The following WDR70 variants were observed in gnomAD, a reference collection of about 807,000 sequenced individuals.
The protein encoded by WDR70 is WD repeat domain 70.
In WDR70, 53 loss-of-function variants were observed where a neutral mutation model predicts 88.6. The ratio of observed to expected loss-of-function variants is 0.60; its 90% confidence interval spans 0.48 to 0.75. The LOEUF is 0.75. Among genes scored for constraint, WDR70 ranks in the 30% least tolerant of loss-of-function variants. WDR70 has a pLI of 0.00. For synonymous variants in WDR70, 280 were observed against 270.0 expected, an observed-to-expected ratio of 1.04 and a Z score of -0.36; for missense variants, 610 against 823.2, an observed-to-expected ratio of 0.74 and a Z score of 3.17.
intron 17 of WDR70, among the ~76,000 whole-genome samples, chr5:37,734,606 A>G (rs908977463): frequency 1.3e-5 from 2 of 152,122 alleles, no homozygotes; most frequent in African/African-American, 2.4e-5. Flanking sequence ...GGGGACATAG[A>G]TAAAAGAGGG....
chr5:37,670,199 T>G (rs1236818493), intron 10 of WDR70, among the ~76,000 whole-genome samples: 1 of 148,100 alleles, frequency 6.8e-6, no homozygotes, highest in Non-Finnish European at 1.5e-5. Flanking sequence ...AATAAAAATC[T>G]TATATCAAAA....
intron 9 of WDR70, among the ~76,000 whole-genome samples, chr5:37,544,350 T>C (rs1190108269): frequency 1.3e-5 from 2 of 152,130 alleles, no homozygotes; most frequent in East Asian, 1.9e-4. Context: ...TTTCCAGACA[T>C]ATTGATACAA....
intron 14 of WDR70, chr5:37,722,087 C>G (rs1747836971): frequency 6.6e-6 from 1 of 152,122 alleles, no homozygotes; most frequent in Admixed American, 6.5e-5. Context: ...AGTTGGAATC[C>G]TGGCCTTATA....
At chr5:37,749,952 G>A (rs1250785474) in intron 17 of WDR70, among the ~76,000 whole-genome samples, 1 of 151,776 alleles carries the variant, frequency 6.6e-6, no homozygotes, top group South Asian at 2.1e-4. Flanking sequence ...TCATTCCTTG[G>A]TTCTTTATTT....
intron 8 of WDR70, chr5:37,505,618 T>G: frequency 2.7e-6 from 2 of 747,694 alleles, no homozygotes; most frequent in Non-Finnish European, 4.9e-6. Flanking sequence ...GACAACTGAG[T>G]GGGTGGAGAA....
At chr5:37,686,760 G>A (rs1446005664) in intron 10 of WDR70, among the ~76,000 whole-genome samples, 2 of 151,548 alleles carry the variant, frequency 1.3e-5, no homozygotes, top group East Asian at 3.9e-4. Context: ...TTCCAATTGG[G>A]AGTTTGTATT....
chr5:37,416,422 T>C (rs1749753273), intron 5 of WDR70, among the ~76,000 whole-genome samples: 1 of 151,776 alleles, frequency 6.6e-6, no homozygotes, highest in Non-Finnish European at 1.5e-5. Context: ...GGCAGGAGAA[T>C]CAGGCAGGGA....
chr5:37,386,242 T>G (rs1748612800), intron 3 of WDR70, among the ~76,000 whole-genome samples: 1 of 152,246 alleles, frequency 6.6e-6, no homozygotes, highest in Non-Finnish European at 1.5e-5. Flanking sequence ...ATGTTTGTAC[T>G]ATCACAGTAT....
At chr5:37,539,947 G>T (rs996902542) in intron 9 of WDR70, among the ~76,000 whole-genome samples, 1 of 152,178 alleles carries the variant, frequency 6.6e-6, no homozygotes. Flanking sequence ...ACACATTTCT[G>T]TGGCATTCTT....
At chr5:37,414,608 T>G (rs1022454765) in intron 5 of WDR70, among the ~76,000 whole-genome samples, 7 of 151,308 alleles carry the variant, frequency 4.6e-5, no homozygotes, top group African/African-American at 1.2e-4. Context: ...TCTGTTTTTT[T>G]TTTTTTTTTT....
chr5:37,688,008 G>T, intron 10 of WDR70: 2 of 656,008 alleles, frequency 3.0e-6, no homozygotes, highest in East Asian at 2.8e-5. Context: ...AACTTTTAAG[G>T]TTCTTTATCT....
chr5:37,688,170 G>A (rs1411525381), intron 10 of WDR70, among the ~76,000 whole-genome samples: 22 of 151,966 alleles, frequency 1.4e-4, no homozygotes, highest in Non-Finnish European at 2.8e-4. Flanking sequence ...TGCCTGTTTT[G>A]CCTTTTCCCT....
chr5:37,611,802 A>G (rs1411963490), intron 10 of WDR70, among the ~76,000 whole-genome samples: 2 of 151,052 alleles, frequency 1.3e-5, no homozygotes, highest in African/African-American at 4.9e-5. Flanking sequence ...TTTTTAAAAA[A>G]AAACTTCTTT....
intron 5 of WDR70, among the ~76,000 whole-genome samples, chr5:37,398,948 C>G (rs535954959): frequency 6.6e-6 from 1 of 151,958 alleles, no homozygotes; most frequent in South Asian, 2.1e-4. Context: ...TTGAGACTAG[C>G]CTGGCCAACA....
At chr5:37,620,654 T>C (rs548555738) in intron 10 of WDR70, among the ~76,000 whole-genome samples, 1 of 152,292 alleles carries the variant, frequency 6.6e-6, no homozygotes, top group African/African-American at 2.4e-5. Context: ...GTGTTTAAAG[T>C]ACTGATCATA....
At chr5:37,406,212 T>A (rs1561839954) in intron 5 of WDR70, among the ~76,000 whole-genome samples, 1 of 152,212 alleles carries the variant, frequency 6.6e-6, no homozygotes, top group East Asian at 1.9e-4. Flanking sequence ...CATTCCTCTC[T>A]TTCCCTCATA....
chr5:37,629,114 C>G (rs1472755441), intron 10 of WDR70, among the ~76,000 whole-genome samples: 1 of 152,180 alleles, frequency 6.6e-6, no homozygotes, highest in Non-Finnish European at 1.5e-5. Flanking sequence ...CCATTCTCTC[C>G]TGGCCTGTAA....
intron 9 of WDR70, among the ~76,000 whole-genome samples, chr5:37,570,407 G>T (rs760866586): frequency 6.6e-6 from 1 of 152,096 alleles, no homozygotes; most frequent in Non-Finnish European, 1.5e-5. Flanking sequence ...AAGATAGCTA[G>T]TTTTTTGCCT....
At position 37,496,414 on chromosome 5, in the gene WDR70, T is replaced by G. The variant is rs1437160649; in HGVS notation, c.840+16427T>G. On this transcript the variant is annotated intron_variant, in intron 8 of 17. Transcript: ENST00000265107. ...GAAGTCAGCCAGACCACGAACCCAC[T>G]GGAAGGAAGAAACTCCAGACACGTC... Among the ~76,000 whole-genome samples, 7 of 152,230 alleles carry G rather than the reference T, an allele frequency of 4.6e-5. No homozygotes were observed. In the East Asian group the frequency reaches 1.4e-3, roughly 29 times the overall value.
Sources: gnomAD v4.1 joint callset for allele counts (sites outside exome capture counted in the v4.1 genomes callset) on GRCh38, gnomAD v4.1.1 for gene constraint, MANE v1.5 for transcripts, NCBI Gene and HGNC (gene_info 2026-07-23, HGNC 2026-07-21) for gene names.